Variants in COL13A1 observed in about 807,000 individuals in gnomAD.
The protein encoded by COL13A1 is collagen type XIII alpha 1 chain, also known as collagen alpha-1(XIII) chain.
A neutral mutation model predicts 130.9 loss-of-function variants in COL13A1; 89 were observed. The observed-to-expected ratio is 0.68, with a 90% CI of 0.57 to 0.81. The LOEUF (loss-of-function observed/expected upper bound fraction) is 0.81, where lower values mean the gene tolerates loss of function less well. COL13A1 is among the 30% of genes least tolerant of loss of function. The pLI is 0.00. For synonymous variants in COL13A1, 402 were observed against 341.6 expected, an observed-to-expected ratio of 1.18 and a Z score of -1.95; for missense variants, 879 against 934.6, an observed-to-expected ratio of 0.94 and a Z score of 0.78.
At chr10:69,806,200 C>G (rs1228264836) in intron 1 of COL13A1, among the ~76,000 whole-genome samples, 3 of 152,232 alleles carry the variant, frequency 2.0e-5, no homozygotes. Flanking sequence ...GCAGGCAGGA[C>G]TGGGCCACTT....
intron 3 of COL13A1, among the ~76,000 whole-genome samples, chr10:69,870,376 G>A (rs750198217): frequency 4.0e-5 from 6 of 151,522 alleles, no homozygotes; most frequent in Admixed American, 6.6e-5. Context: ...GCAGTGGTGC[G>A]ATCAAAGCTC....
At position 69,898,770 on chromosome 10, in the gene COL13A1, C is replaced by T. The variant is rs1228349940; in HGVS notation, c.750+8C>T. 1.2e-6 allele frequency: 2 copies of T among 1,610,162 alleles called. No individual in the cohort carries two copies. The highest frequency in any genetic ancestry group is 1.7e-6 in the Non-Finnish European group (2 of 1,177,496). Reference sequence around the variant, plus strand: ...AAAAGGCGGACGTTCCAGGTAGACACCTCCCGTTTGTCCAGACCATGTGTG... The same window carrying T: ...AAAAGGCGGACGTTCCAGGTAGACATCTCCCGTTTGTCCAGACCATGTGTG... On this transcript the variant is annotated splice_region_variant and intron_variant, in intron 14 of 40. Coordinates refer to ENST00000645393, the MANE Select transcript of COL13A1 (RefSeq NM_001368882.1).
At chr10:69,851,565 T>A (rs1216689118) in intron 2 of COL13A1, among the ~76,000 whole-genome samples, 1 of 152,264 alleles carries the variant, frequency 6.6e-6, no homozygotes, top group East Asian at 1.9e-4. Flanking sequence ...CATGTGGCTA[T>A]TCAACACTTA....
At chr10:69,920,747 T>A (rs578151526) in intron 21 of COL13A1, among the ~76,000 whole-genome samples, 42 of 152,324 alleles carry the variant, frequency 2.8e-4, no homozygotes, top group Admixed American at 1.3e-3. Flanking sequence ...ATTTCTGCTG[T>A]CAAAGCCACC....
chr10:69,822,354 T>A lies in COL13A1; in HGVS notation c.295-15T>A. 1 of 1,568,300 alleles carries A rather than the reference T, an allele frequency of 6.4e-7. No individual in the cohort carries two copies. Among genetic ancestry groups the A allele is most frequent in the Non-Finnish European group, 8.6e-7 (1 of 1,157,048 alleles). Reference sequence around the variant, plus strand: ...CGAGCTCCTGGTGACTCCTCTTGTCTGTCTCCTTGTACAGAAATGGAAGCT... The same window carrying A: ...CGAGCTCCTGGTGACTCCTCTTGTCAGTCTCCTTGTACAGAAATGGAAGCT... On this transcript the variant is annotated splice_polypyrimidine_tract_variant and intron_variant, in intron 1 of 40. Coordinates refer to ENST00000645393, the MANE Select transcript of COL13A1 (RefSeq NM_001368882.1).
chr10:69,881,296 G>C (rs1366009811), intron 7 of COL13A1, among the ~76,000 whole-genome samples: 1 of 152,126 alleles, frequency 6.6e-6, no homozygotes, highest in East Asian at 1.9e-4. Context: ...GGCTCAGAGA[G>C]GGGGAGCGCC....
intron 2 of COL13A1, among the ~76,000 whole-genome samples, chr10:69,839,514 T>C (rs1851012332): frequency 6.6e-6 from 1 of 152,206 alleles, no homozygotes; most frequent in African/African-American, 2.4e-5. Context: ...CAGTGTTATC[T>C]GTGAGAAGGT....
chr10:69,827,660 A>T (rs979402065), intron 2 of COL13A1, among the ~76,000 whole-genome samples: 2 of 152,298 alleles, frequency 1.3e-5, no homozygotes. Flanking sequence ...TTATTTTCTT[A>T]TGAGCTGCTA....
chr10:69,875,524 C>A (rs772532042), intron 5 of COL13A1, among the ~76,000 whole-genome samples: 6 of 152,202 alleles, frequency 3.9e-5, no homozygotes, highest in Non-Finnish European at 5.9e-5. Context: ...GGCAGCTCAC[C>A]CTTAGATTCA....
At chr10:69,863,179 T>C (rs1392092043) in intron 2 of COL13A1, among the ~76,000 whole-genome samples, 1 of 152,132 alleles carries the variant, frequency 6.6e-6, no homozygotes, top group African/African-American at 2.4e-5. Flanking sequence ...CTCTGTGCAT[T>C]GTCTTTTCAG....
intron 3 of COL13A1, 65 bp from the exon 4 acceptor site, chr10:69,872,119 C>A (rs1444787241): frequency 2.5e-6 from 4 of 1,591,582 alleles, no homozygotes; most frequent in Non-Finnish European, 3.4e-6. Context: ...CTGGTTGAGA[C>A]AGTGTTCAAC....
chr10:69,900,009 C>T (rs2062028727), intron 14 of COL13A1, among the ~76,000 whole-genome samples: 1 of 152,200 alleles, frequency 6.6e-6, no homozygotes, highest in Non-Finnish European at 1.5e-5. Context: ...ACTCCAGTGC[C>T]ACCCAAGCCT....
rs1410785052 is a variant in COL13A1 at position 69,802,822 on chromosome 10, C to T, written c.294+105C>T. Reference sequence around the variant, plus strand: ...CGCGGGCGCTCGCTCTCTGCGAGCCCCAGGTTCGCGCGAGTTGCCTGCGGG... The same window carrying T: ...CGCGGGCGCTCGCTCTCTGCGAGCCTCAGGTTCGCGCGAGTTGCCTGCGGG... On this transcript the variant is annotated intron_variant, in intron 1 of 40. Transcript: ENST00000645393. 5.5e-6 allele frequency: 8 copies of T among 1,457,618 alleles called. No homozygotes were observed. The African/African-American group carries it at 7.2e-5, about 13-fold the overall frequency. 90.3% of individuals were successfully genotyped at this position (1,457,618 alleles called of 1,614,324 possible). A position where few individuals can be genotyped will look rare whatever the true frequency, so the allele number is the denominator to read the frequency against.
At chr10:69,841,808 CA>C (rs1851679473) in intron 2 of COL13A1, among the ~76,000 whole-genome samples, 1 of 152,150 alleles carries the variant, frequency 6.6e-6, no homozygotes, top group Admixed American at 6.5e-5. Flanking sequence ...AAGGGAACAG[CA>C]AGGGCAGAGA....
intron 2 of COL13A1, among the ~76,000 whole-genome samples, chr10:69,864,579 A>G (rs1156386848): frequency 2.6e-5 from 4 of 152,218 alleles, no homozygotes; most frequent in Non-Finnish European, 5.9e-5. Flanking sequence ...ATTCATCTTT[A>G]GAGAGCCACA....
At chr10:69,922,277 G>C (rs1006508339) in intron 22 of COL13A1, among the ~76,000 whole-genome samples, 2 of 152,072 alleles carry the variant, frequency 1.3e-5, no homozygotes, top group Non-Finnish European at 2.9e-5. Flanking sequence ...GGGGAGACAT[G>C]CATAATAAGA....
chr10:69,821,228 T>C (rs1845994225), intron 1 of COL13A1, among the ~76,000 whole-genome samples: 1 of 152,202 alleles, frequency 6.6e-6, no homozygotes, highest in South Asian at 2.1e-4. Context: ...CTTCAAAATA[T>C]TGGCAACAAA....
chr10:69,936,346 A>C (rs1243348019), intron 32 of COL13A1, among the ~76,000 whole-genome samples: 1 of 152,166 alleles, frequency 6.6e-6, no homozygotes, highest in Non-Finnish European at 1.5e-5. Flanking sequence ...TCCCCAAGGC[A>C]CTGTGTGTCC....
intron 7 of COL13A1, 130 bp from the exon 8 acceptor site, chr10:69,887,326 A>G (rs1190102517): frequency 5.7e-6 from 5 of 884,204 alleles, no homozygotes; most frequent in Middle Eastern, 2.4e-4. Context: ...CCCACTAACC[A>G]CAGTGAGTGT....
Sources: allele counts gnomAD v4.1 joint callset (sites outside exome capture counted in the v4.1 genomes callset), GRCh38; gene constraint gnomAD v4.1.1; transcripts MANE v1.5; gene names NCBI Gene and HGNC (gene_info 2026-07-23, HGNC 2026-07-21).